The following CTBP2 variants were observed in gnomAD, a reference collection of about 807,000 sequenced individuals.
CTBP2 encodes the protein C-terminal-binding protein 2.
Under a neutral mutation model 80.3 loss-of-function variants are expected in CTBP2, and 30 were observed. The observed-to-expected ratio is 0.37, with a 90% CI of 0.28 to 0.51. CTBP2 has a LOEUF of 0.51. Ranked by LOEUF, CTBP2 falls within the 20% of genes least tolerant of loss-of-function variation. The probability of loss-of-function intolerance (pLI) is 0.93; values close to 1 mark genes in which losing one functional copy is unlikely to be tolerated. For missense variants in CTBP2, 1,212 were observed against 1,375.3 expected (o/e 0.88, Z 1.88); for synonymous variants, 594 against 587.4 (o/e 1.01, Z -0.16).
At position 125,003,367 on chromosome 10, in the gene CTBP2, C is replaced by T; in HGVS notation, c.1804G>A (p.Ala602Thr). Residue 602 changes from alanine to threonine, a missense_variant, in exon 2 of 9, where the codon GCG becomes ACG. This residue lies in a region of CTBP2 where 29 missense variants were observed against 88.3 expected (regional missense o/e 0.33). Coordinates refer to ENST00000309035, the MANE Select transcript of CTBP2 (RefSeq NM_022802.3). ...TCGTGGATTTCCTGCGTCGACTGCG[C>T]GTCACAGAAGGCCACAGTGGCCAGG... 3 of 1,610,734 alleles carry T rather than the reference C, an allele frequency of 1.9e-6. No individual in the cohort carries two copies. Among genetic ancestry groups the T allele is most frequent in the Non-Finnish European group, 2.5e-6 (3 of 1,179,428 alleles).
At chr10:125,037,723 T>C (rs1272987161) in intron 3 of CTBP2, among the ~76,000 whole-genome samples, 1 of 152,226 alleles carries the variant, frequency 6.6e-6, no homozygotes, top group Admixed American at 6.5e-5. Flanking sequence ...ATACTGTCCC[T>C]GAGGTTAGAT....
intron 1 of CTBP2, among the ~76,000 whole-genome samples, chr10:125,019,866 G>C (rs1340039074): frequency 6.6e-6 from 1 of 152,194 alleles, no homozygotes. Flanking sequence ...CAGAATGGGG[G>C]AGAACTATTT....
At chr10:125,157,283 G>A (rs1861089919) in intron 1 of CTBP2, among the ~76,000 whole-genome samples, 1 of 151,646 alleles carries the variant, frequency 6.6e-6, no homozygotes, top group Admixed American at 6.6e-5. Flanking sequence ...CCCATTCAAG[G>A]GTCAGTTTCA....
chr10:125,026,672 G>T lies in CTBP2; in HGVS notation c.1088C>A (p.Pro363Gln). ...GCTGCTGGACCGCGCCCGGGGCAGC[G>T]GGCCCCCCCGGTCCTGCCTCCGCAG... The change falls in exon 1 of 9, where the codon CCG becomes CAG. Residue 363 changes from proline to glutamine, a missense_variant. Physicochemically the swap from Pro to Gln is moderately conservative, Grantham distance 76 (BLOSUM62 -1). This residue lies in a region of CTBP2 where 848 missense variants were observed against 782.3 expected (regional missense o/e 1.08). Transcript: ENST00000309035. The T allele has an allele frequency of 6.2e-7, 1 of 1,605,842 alleles. No homozygotes were observed. Among genetic ancestry groups the T allele is most frequent in the Non-Finnish European group, 8.5e-7 (1 of 1,176,768 alleles).
At chr10:125,003,573 A>T (rs920213492) in intron 1 of CTBP2, 81 bp from the exon 4 acceptor site, 5 of 1,196,456 alleles carry the variant, frequency 4.2e-6, no homozygotes, top group African/African-American at 3.1e-5. Context: ...CCCACTCATC[A>T]CTCAGGGCAG....
intron 2 of CTBP2, among the ~76,000 whole-genome samples, chr10:125,089,552 A>G (rs1425315349): frequency 1.3e-5 from 2 of 152,150 alleles, no homozygotes; most frequent in African/African-American, 4.8e-5. Context: ...CTGAGTCTAC[A>G]CATTTGCAAA....
At chr10:125,134,482 A>G (rs1032993741) in intron 1 of CTBP2, among the ~76,000 whole-genome samples, 9 of 152,166 alleles carry the variant, frequency 5.9e-5, no homozygotes, top group Non-Finnish European at 1.2e-4. Context: ...AGTTCACAGC[A>G]AAGTTCTTGT....
rs548092998 is a variant in CTBP2 at position 125,131,204 on chromosome 10, C to T, written c.-205-20111G>A. Among the ~76,000 whole-genome samples the T allele has an allele frequency of 2.7e-4, 41 of 152,292 alleles. 1 individual carries two copies. Among genetic ancestry groups the T allele is most frequent in the East Asian group, 1.4e-3 (7 of 5,164 alleles). On this transcript the variant is annotated intron_variant, in intron 1 of 10. Transcript: ENST00000337195. ...TGGATTTCCACTGCGGGATTCAGAA[C>T]GTAGCAGCTGGGGCCACCAGTCACT...
chr10:125,026,228 A>G lies in CTBP2; in HGVS notation c.1532T>C (p.Val511Ala). 1 of 1,613,592 alleles carries G rather than the reference A, an allele frequency of 6.2e-7. No individual in the cohort carries two copies. Among genetic ancestry groups the G allele is most frequent in the Non-Finnish European group, 8.5e-7 (1 of 1,179,892 alleles). ...CAGGGGTGCACCTGGCTTCCGCAAG[A>G]CCTGGGGGCTGCCGTGAGGGCTGGG... is the stretch of plus-strand genomic sequence containing the variant. The change falls in exon 1 of 9, where the codon GTC (valine) becomes GCC (alanine). Residue 511 changes from valine to alanine, a missense_variant. Physicochemically the swap from Val to Ala is moderately conservative, Grantham distance 64 (BLOSUM62 0). Around this residue, in one of 3 missense-constraint regions of CTBP2, gnomAD observed 848 missense variants for 782.3 expected, o/e 1.08. Coordinates refer to ENST00000309035, the MANE Select transcript of CTBP2 (RefSeq NM_022802.3).
chr10:124,994,216 T>C (rs1272403268), intron 5 of CTBP2, among the ~76,000 whole-genome samples: 1 of 152,260 alleles, frequency 6.6e-6, no homozygotes, highest in Non-Finnish European at 1.5e-5. Flanking sequence ...TGTGCCGAGC[T>C]GCTGGCCTCT....
intron 2 of CTBP2, among the ~76,000 whole-genome samples, chr10:125,109,073 T>G (rs1369457535): frequency 6.6e-6 from 1 of 152,216 alleles, no homozygotes; most frequent in Non-Finnish European, 1.5e-5. Context: ...GATCCCAGAG[T>G]GGCTCTGGTT....
chr10:125,130,431 T>G (rs568146849), intron 1 of CTBP2, among the ~76,000 whole-genome samples: 5 of 152,068 alleles, frequency 3.3e-5, no homozygotes, highest in Admixed American at 6.6e-5. Flanking sequence ...AAGAGCAAAG[T>G]GATTACCACA....
At chr10:125,129,915 G>C (rs1331432546) in intron 1 of CTBP2, among the ~76,000 whole-genome samples, 7 of 152,138 alleles carry the variant, frequency 4.6e-5, no homozygotes, top group Admixed American at 1.3e-4. Context: ...ATGAAACAGA[G>C]GACCCTGCAC....
chr10:124,992,302 T>G (rs1162767085), intron 8 of CTBP2, among the ~76,000 whole-genome samples: 1 of 148,966 alleles, frequency 6.7e-6, no homozygotes, highest in African/African-American at 2.5e-5. Context: ...GTGGGTGATC[T>G]CGGCTCACTG....
intron 2 of CTBP2, among the ~76,000 whole-genome samples, chr10:125,073,433 A>AG (rs1270247385): frequency 6.6e-6 from 1 of 152,180 alleles, no homozygotes; most frequent in South Asian, 2.1e-4. Context: ...TAGTAGAGAC[A>AG]GGGCTTCACC....
chr10:125,037,538 T>C (rs1017459100), intron 3 of CTBP2, among the ~76,000 whole-genome samples: 1 of 152,196 alleles, frequency 6.6e-6, no homozygotes, highest in Admixed American at 6.5e-5. Context: ...TACAAATCAA[T>C]GGGGCCTGGG....
intron 2 of CTBP2, among the ~76,000 whole-genome samples, chr10:125,064,211 G>C (rs922290431): frequency 2.0e-5 from 3 of 152,166 alleles, no homozygotes; most frequent in African/African-American, 7.2e-5. Context: ...CCTGGGAGCC[G>C]GGACATCCCT....
intron 1 of CTBP2, among the ~76,000 whole-genome samples, chr10:125,148,580 A>C (rs1300117311): frequency 6.6e-6 from 1 of 152,242 alleles, no homozygotes; most frequent in Non-Finnish European, 1.5e-5. Context: ...TGACTGGGAC[A>C]CAACCAGGGA....
chr10:125,142,228 G>A (rs1039956362), intron 1 of CTBP2, among the ~76,000 whole-genome samples: 3 of 152,178 alleles, frequency 2.0e-5, no homozygotes, highest in Non-Finnish European at 4.4e-5. Flanking sequence ...CTGTCCAGAC[G>A]AGCCAAGCTC....
Sources: gnomAD v4.1 joint callset for allele counts (sites outside exome capture counted in the v4.1 genomes callset) on GRCh38, gnomAD v4.1.1 for gene constraint, gnomAD v4.1.1 regional missense constraint, MANE v1.5 for transcripts, NCBI Gene and HGNC (gene_info 2026-07-23, HGNC 2026-07-21) for gene names.